The following ACAD11 variants were observed in gnomAD, a reference collection of about 807,000 sequenced individuals.
ACAD11 encodes the protein acyl-Coenzyme A dehydrogenase family, member 11.
A neutral mutation model predicts 102.2 loss-of-function variants in ACAD11; 83 were observed. The ratio of observed to expected loss-of-function variants is 0.81; its 90% CI spans 0.68 to 0.97. The LOEUF (loss-of-function observed/expected upper bound fraction) is 0.97. Among genes scored for constraint, ACAD11 ranks in the 50% least tolerant of loss-of-function variants. ACAD11 has a pLI of 0.00. For synonymous variants in ACAD11, 324 were observed against 319.8 expected (o/e 1.01, Z -0.14); for missense variants, 901 against 951.7 (o/e 0.95, Z 0.70).
At chr3:132,600,331 T>G in intron 13 of ACAD11, 1 of 1,389,046 alleles carries the variant, frequency 7.2e-7, no homozygotes, top group Non-Finnish European at 9.6e-7. Flanking sequence ...TGATAAAAAC[T>G]GTTTCCTTTT....
chr3:132,633,533 CTCT>C (rs368826396), intron 5 of ACAD11, among the ~76,000 whole-genome samples: 3,942 of 152,142 alleles, frequency 0.026, 165 homozygotes, highest in African/African-American at 0.089. Context: ...GTCTAAAATT[CTCT>C]TTTTTTGTTG....
intron 1 of ACAD11, chr3:132,645,888 A>G (rs1940697780): frequency 6.6e-6 from 1 of 152,248 alleles, no homozygotes; most frequent in South Asian, 2.1e-4. Context: ...GATAATCACC[A>G]GTGGTCAGGA....
Position 132,657,866 on chromosome 3 carries a change from C to CTTTT in ACAD11, c.149+1733_149+1736dup, listed in dbSNP as rs56190801. Among the ~76,000 whole-genome samples the CTTTT allele has an allele frequency of 1.3e-4, 15 of 119,158 alleles. 1 individual carries two copies. Among genetic ancestry groups the CTTTT allele is most frequent in the African/African-American group, 1.9e-4 (6 of 32,360 alleles). The allele number at this position is 119,158 out of a possible 152,430, so 78.2% of individuals were successfully genotyped here. Reference sequence around the variant, plus strand: ...TTTGGTATTAAAAAAACACATATTCCTTTTTTTTTTTTTTTTTTTTGAGTC... The same window carrying CTTTT: ...TTTGGTATTAAAAAAACACATATTCCTTTTTTTTTTTTTTTTTTTTTTTTGAGTC... On this transcript the variant is annotated intron_variant, in intron 1 of 19. Transcript: ENST00000264990.
At chr3:132,639,081 A>G (rs984604797) in intron 5 of ACAD11, among the ~76,000 whole-genome samples, 4 of 152,232 alleles carry the variant, frequency 2.6e-5, no homozygotes, top group Non-Finnish European at 5.9e-5. Flanking sequence ...CTCTATTCTC[A>G]GAGTTTATAA....
chr3:132,579,024 C>A, intron 14 of ACAD11, 143 bp from the exon 15 acceptor site: 1 of 1,517,502 alleles, frequency 6.6e-7, no homozygotes, highest in Non-Finnish European at 8.8e-7. Flanking sequence ...GTGTAAAAGA[C>A]GTACACCAAC....
At chr3:132,583,893 G>C (rs1054704950) in intron 13 of ACAD11, among the ~76,000 whole-genome samples, 2 of 152,202 alleles carry the variant, frequency 1.3e-5, no homozygotes, top group Admixed American at 6.5e-5. Context: ...GTTCTAGCTT[G>C]ATTGCACTGT....
rs73000190 is a variant in ACAD11 at position 132,605,211 on chromosome 3, C to T, written c.1415-6G>A. On this transcript the variant is annotated splice_region_variant and splice_polypyrimidine_tract_variant and intron_variant, in intron 11 of 19. Coordinates refer to ENST00000264990, the MANE Select transcript of ACAD11 (RefSeq NM_032169.5). ...AACCTCCATATTCCCTGTGTCTACA[C>T]ATAAAGAAGGAGTATTTGTTTTGCA... 2.3e-3 allele frequency: 3,705 copies of T among 1,598,440 alleles called. 73 individuals are homozygous for T. In the African/African-American group the frequency reaches 0.043, roughly 19 times the overall value.
rs745752248 is a variant in ACAD11, at chr3:132,575,818, T to C, written c.1955A>G (p.Glu652Gly). The change falls in exon 17 of 20, where the codon GAG becomes GGG. Residue 652 changes from glutamate (E) to glycine (G), a missense_variant. Physicochemically the swap from Glu to Gly is moderately conservative, Grantham distance 98. Coordinates refer to ENST00000264990, the MANE Select transcript of ACAD11 (RefSeq NM_032169.5). ...LAERALQIMC[E>G]RATQRIAFKK... ...GAAAGCTATCCTTTGTGTTGCCCGC[T>C]CACACATGATCTGCAAAGCGCGTTC... The C allele has an allele frequency of 1.2e-6, 2 of 1,614,070 alleles. No homozygotes were observed. The highest frequency in any genetic ancestry group is 8.5e-7 in the Non-Finnish European group (1 of 1,179,978).
At chr3:132,568,786 T>C (rs1335932946) in intron 17 of ACAD11, among the ~76,000 whole-genome samples, 2 of 127,570 alleles carry the variant, frequency 1.6e-5, no homozygotes. Context: ...GCTGAAGCAA[T>C]TGGACATCCA....
chr3:132,642,647 G>A, intron 3 of ACAD11, 30 bp downstream of exon 3: 2 of 1,560,822 alleles, frequency 1.3e-6, no homozygotes, highest in South Asian at 1.2e-5. Flanking sequence ...AAAAGTAAAA[G>A]CAACAAAATA....
chr3:132,560,097 A>G (rs1025074008), intron 18 of ACAD11, among the ~76,000 whole-genome samples, 155 bp from the exon 19 acceptor site: 5 of 152,156 alleles, frequency 3.3e-5, no homozygotes, highest in African/African-American at 1.2e-4. Flanking sequence ...CTGCAATGCC[A>G]TATTTCAGTC....
intron 11 of ACAD11, among the ~76,000 whole-genome samples, chr3:132,617,175 T>A (rs1939440643): frequency 6.6e-6 from 1 of 152,216 alleles, no homozygotes; most frequent in Non-Finnish European, 1.5e-5. Flanking sequence ...AATCAAGTGC[T>A]AGTCCTTGAC....
intron 9 of ACAD11, among the ~76,000 whole-genome samples, chr3:132,624,799 A>G (rs1939749511): frequency 2.0e-5 from 3 of 150,962 alleles, no homozygotes; most frequent in South Asian, 2.1e-4. Context: ...CAATCCTCCC[A>G]CCTCAGCCTC....
intron 8 of ACAD11, among the ~76,000 whole-genome samples, chr3:132,627,705 A>G (rs991541720): frequency 6.6e-6 from 1 of 152,238 alleles, no homozygotes; most frequent in African/African-American, 2.4e-5. Flanking sequence ...TGTAAAGGTC[A>G]TTATGAAGCA....
At chr3:132,594,999 A>G (rs1938239714) in intron 13 of ACAD11, among the ~76,000 whole-genome samples, 1 of 152,204 alleles carries the variant, frequency 6.6e-6, no homozygotes, top group Admixed American at 6.5e-5. Flanking sequence ...GTTCTGATGA[A>G]GCTTATGTTC....
chr3:132,623,925 A>C (rs968410007), intron 9 of ACAD11, among the ~76,000 whole-genome samples: 2 of 152,114 alleles, frequency 1.3e-5, no homozygotes, highest in Admixed American at 1.3e-4. Flanking sequence ...ATTTTAGAGA[A>C]AGTAGGTAGG....
chr3:132,637,100 A>C (rs746681597), intron 5 of ACAD11, among the ~76,000 whole-genome samples: 10 of 152,170 alleles, frequency 6.6e-5, no homozygotes, highest in Non-Finnish European at 1.2e-4. Flanking sequence ...CAGCAAAAAT[A>C]TGAGGATTCA....
intron 17 of ACAD11, among the ~76,000 whole-genome samples, chr3:132,566,304 C>CAAAAAAAAAAAA (rs1210045595): frequency 2.2e-5 from 3 of 135,834 alleles, no homozygotes; most frequent in African/African-American, 8.7e-5. Context: ...CTCAAAAAAA[C>CAAAAAAAAAAAA]AAAAAAAAAA....
chr3:132,558,793 G>T lies in ACAD11; in HGVS notation c.*178C>A. Reference sequence around the variant, plus strand: ...AGCATTTCTTACTGAACTTAACCCTGTGTGACCCTTGAAATAATAAAACCC... The same window carrying T: ...AGCATTTCTTACTGAACTTAACCCTTTGTGACCCTTGAAATAATAAAACCC... On this transcript the variant is annotated 3_prime_UTR_variant, in exon 20 of 20. Transcript: ENST00000264990. The T allele has an allele frequency of 3.5e-6, 2 of 563,996 alleles. No homozygotes were observed. Among genetic ancestry groups the T allele is most frequent in the South Asian group, 2.4e-5 (1 of 41,126 alleles). 34.9% of individuals were successfully genotyped at this position (563,996 alleles called of 1,614,324 possible). A position where few individuals can be genotyped will look rare whatever the true frequency, so the allele number is the denominator to read the frequency against.
Sources: gnomAD v4.1 joint callset for allele counts (sites outside exome capture counted in the v4.1 genomes callset) on GRCh38, gnomAD v4.1.1 for gene constraint, MANE v1.5 for transcripts, NCBI Gene and HGNC (gene_info 2026-07-23, HGNC 2026-07-21) for gene names.